Variants in BRAP observed in about 807,000 individuals in gnomAD.
BRAP encodes BRCA1 associated protein.
In BRAP, 42 loss-of-function variants were observed where a neutral mutation model predicts 73.4. That is an observed-to-expected ratio of 0.57 (90% confidence interval 0.45 to 0.74). The LOEUF is 0.74. BRAP is among the 30% of genes least tolerant of loss of function. The pLI is 0.00. For synonymous variants in BRAP, 255 were observed against 267.4 expected, an observed-to-expected ratio of 0.95 and a Z score of 0.45; for missense variants, 593 against 751.4, an observed-to-expected ratio of 0.79 and a Z score of 2.46.
chr12:111,656,991 G>A (rs1886560274), intron 9 of BRAP, among the ~76,000 whole-genome samples: 1 of 152,162 alleles, frequency 6.6e-6, no homozygotes, highest in African/African-American at 2.4e-5. Flanking sequence ...ATCAAGCCTT[G>A]CCCTCCTGAA....
chr12:111,658,249 A>C (rs1227463316), intron 9 of BRAP, among the ~76,000 whole-genome samples: 1 of 151,812 alleles, frequency 6.6e-6, no homozygotes, highest in Non-Finnish European at 1.5e-5. Flanking sequence ...AGACTTTCAA[A>C]GAAGAAAAAC....
At chr12:111,646,704 C>T (rs1404282965) in intron 11 of BRAP, among the ~76,000 whole-genome samples, 4 of 151,952 alleles carry the variant, frequency 2.6e-5, no homozygotes, top group East Asian at 1.9e-4. Context: ...ACCCTAGAGG[C>T]GGAGGCTGCA....
At chr12:111,667,936 C>T (rs887429405) in intron 5 of BRAP, among the ~76,000 whole-genome samples, 3 of 151,564 alleles carry the variant, frequency 2.0e-5, no homozygotes, top group Non-Finnish European at 4.4e-5. Flanking sequence ...GGGGCTGGCA[C>T]GGTGGCTCAC....
At chr12:111,674,868 G>A (rs1887318770) in intron 4 of BRAP, among the ~76,000 whole-genome samples, 1 of 152,160 alleles carries the variant, frequency 6.6e-6, no homozygotes, top group African/African-American at 2.4e-5. Flanking sequence ...AAAACGGACT[G>A]CCTGAAAGTC....
rs370285881 is a variant in BRAP at position 111,683,841 on chromosome 12, C to G, written c.83-534G>C. On this transcript the variant is annotated intron_variant, in intron 1 of 11. Transcript: ENST00000419234. ...ACAGGTTTGAGCCACTGCGCCTGGC[C>G]CAAAATCATGCACTTTAAAGCAAAT... 1.2e-4 allele frequency among the ~76,000 whole-genome samples: 18 copies of G among 152,012 alleles called. No individual in the cohort carries two copies. The South Asian group carries it at 3.7e-3, about 32-fold the overall frequency.
rs1051778139 is a variant in BRAP at position 111,642,858 on chromosome 12, A to G, written c.*1341T>C. ...CCACAAAAACAGATGGTGATTAGTG[A>G]TACAGTTGATGTGCTAACAAGTAAC... is the stretch of plus-strand genomic sequence containing the variant. On this transcript the variant is annotated 3_prime_UTR_variant, in exon 12 of 12. Transcript: ENST00000419234. 4 of 152,210 alleles carry G rather than the reference A, an allele frequency of 2.6e-5. No homozygotes were observed. The highest frequency in any genetic ancestry group is 9.6e-5 in the African/African-American group (4 of 41,460). 9.4% of individuals were successfully genotyped at this position (152,210 alleles called of 1,614,324 possible).
In BRAP at chr12:111,651,264, G is replaced by T. The variant is rs185685597; in HGVS notation, c.1312-1222C>A. On this transcript the variant is annotated intron_variant, in intron 10 of 11. Transcript: ENST00000419234. The stretch of plus-strand genomic sequence containing the variant: ...AATAATAATAATAATAATAGGCCGG[G>T]CATGATGGCTCACGCCTGTAATCCC... Among the ~76,000 whole-genome samples the T allele has an allele frequency of 2.7e-3, 412 of 150,268 alleles. 13 individuals are homozygous for T. Among genetic ancestry groups the T allele is most frequent in the Admixed American group, 0.025 (372 of 14,978 alleles).
intron 3 of BRAP, among the ~76,000 whole-genome samples, chr12:111,680,809 T>C: frequency 6.6e-6 from 1 of 152,240 alleles, no homozygotes; most frequent in Middle Eastern, 3.2e-3. Flanking sequence ...AGAACAGCCT[T>C]AAGGTATCAG....
At chr12:111,670,555 G>A (rs1247969646) in intron 5 of BRAP, among the ~76,000 whole-genome samples, 5 of 152,074 alleles carry the variant, frequency 3.3e-5, no homozygotes, top group African/African-American at 7.2e-5. Flanking sequence ...GTGCAGTGGC[G>A]CAATCTCAGC....
chr12:111,668,552 T>C (rs1887044825), intron 5 of BRAP, among the ~76,000 whole-genome samples: 1 of 152,118 alleles, frequency 6.6e-6, no homozygotes, highest in South Asian at 2.1e-4. Context: ...TGGTAGCAAA[T>C]GGTTTTTCTT....
At chr12:111,653,678 G>C (rs537568969) in intron 10 of BRAP, among the ~76,000 whole-genome samples, 1 of 152,208 alleles carries the variant, frequency 6.6e-6, no homozygotes, top group Admixed American at 6.6e-5. Context: ...CCACAAACAA[G>C]AATCTCTGTC....
intron 11 of BRAP, among the ~76,000 whole-genome samples, chr12:111,648,392 T>A (rs1485405592): frequency 1.2e-4 from 16 of 135,006 alleles, no homozygotes; most frequent in African/African-American, 4.0e-4. Flanking sequence ...AGCGGGTGGA[T>A]CATGAGGTCA....
chr12:111,645,991 A>C (rs1886097178), intron 11 of BRAP, among the ~76,000 whole-genome samples: 1 of 152,054 alleles, frequency 6.6e-6, no homozygotes, highest in African/African-American at 2.4e-5. Context: ...TCTTGTCTCA[A>C]ACAAACAACC....
chr12:111,678,249 C>CA (rs60763826), intron 4 of BRAP, among the ~76,000 whole-genome samples: 7,305 of 57,124 alleles, frequency 0.13, 452 homozygotes, highest in Non-Finnish European at 0.21. Context: ...AACTCCGTCT[C>CA]AAAAAAAAAA....
chr12:111,659,389 T>C (rs773448317), intron 7 of BRAP, 44 bp from the exon 8 acceptor site: 2 of 1,579,956 alleles, frequency 1.3e-6, no homozygotes, highest in South Asian at 2.2e-5. Flanking sequence ...TAAAAATAAA[T>C]GATCTGGCTG....
At chr12:111,684,363 T>C (rs972591409) in intron 1 of BRAP, among the ~76,000 whole-genome samples, 1 of 152,232 alleles carries the variant, frequency 6.6e-6, no homozygotes, top group African/African-American at 2.4e-5. Context: ...AAGGTGCTCA[T>C]AAGCTATAAA....
At chr12:111,676,026 C>T (rs1037908752) in intron 4 of BRAP, among the ~76,000 whole-genome samples, 1 of 152,072 alleles carries the variant, frequency 6.6e-6, no homozygotes, top group Non-Finnish European at 1.5e-5. Context: ...AAGCACACCC[C>T]CCCTTTTTTT....
At chr12:111,673,510 G>GAAAAAAAAAA (rs11350832) in intron 4 of BRAP, among the ~76,000 whole-genome samples, 12 of 118,152 alleles carry the variant, frequency 1.0e-4, no homozygotes, top group East Asian at 2.4e-4. Flanking sequence ...ATCTCAAAAA[G>GAAAAAAAAAA]AAAAAAAAAA....
chr12:111,652,671 G>A (rs188533570), intron 10 of BRAP, among the ~76,000 whole-genome samples: 1 of 152,140 alleles, frequency 6.6e-6, no homozygotes, highest in Non-Finnish European at 1.5e-5. Context: ...GAGCCCAGGA[G>A]TTGGAGATCA....
Sources: allele counts gnomAD v4.1 joint callset (sites outside exome capture counted in the v4.1 genomes callset), GRCh38; gene constraint gnomAD v4.1.1; transcripts MANE v1.5; gene names NCBI Gene and HGNC (gene_info 2026-07-23, HGNC 2026-07-21).